The following LRRC4C variants were observed in gnomAD, a reference collection of about 807,000 sequenced individuals.
The protein encoded by LRRC4C is leucine rich repeat containing 4C.
A neutral mutation model predicts 33.6 loss-of-function variants in LRRC4C; 5 were observed. The observed-to-expected ratio is 0.15, with a 90% CI of 0.08 to 0.31. LRRC4C has a LOEUF of 0.31. LRRC4C is among the 10% of genes least tolerant of loss of function. LRRC4C has a pLI of 1.00. For missense variants in LRRC4C, 560 were observed against 796.7 expected (o/e 0.70, Z 3.58); for synonymous variants, 329 against 302.0 (o/e 1.09, Z -0.93).
chr11:41,420,342 T>C (rs2138315541), intron 1 of LRRC4C, among the ~76,000 whole-genome samples: 1 of 152,118 alleles, frequency 6.6e-6, no homozygotes, highest in Admixed American at 6.6e-5. Context: ...GTATCCACTA[T>C]ATTGTAAGTT....
At chr11:40,286,093 A>G (rs139689943) in intron 4 of LRRC4C, among the ~76,000 whole-genome samples, 1 of 152,308 alleles carries the variant, frequency 6.6e-6, no homozygotes, top group East Asian at 1.9e-4. Flanking sequence ...GAGGAGATAC[A>G]TTCCGTGATC....
chr11:40,178,760 T>C lies in LRRC4C; in HGVS notation c.-95-37907A>G, dbSNP rs1252827654. Among the ~76,000 whole-genome samples the C allele has an allele frequency of 4.6e-5, 7 of 152,324 alleles. No individual in the cohort carries two copies. In the East Asian group the frequency reaches 1.4e-3, roughly 29 times the overall value. On this transcript the variant is annotated intron_variant, in intron 5 of 6. Coordinates refer to ENST00000528697, the MANE Select transcript of LRRC4C (RefSeq NM_001258419.2). Reference sequence around the variant, plus strand: ...CAGGCCGTATATTCCTCTGGTTTCCTCGCTGTGGGGTTGGTTGGGCTCTCT... The same window carrying C: ...CAGGCCGTATATTCCTCTGGTTTCCCCGCTGTGGGGTTGGTTGGGCTCTCT...
intron 6 of LRRC4C, among the ~76,000 whole-genome samples, chr11:40,137,163 CGTGTGTGTGT>C (rs3039962): frequency 0.18 from 26,135 of 147,704 alleles, 2,407 homozygotes; most frequent in African/African-American, 0.25. Context: ...CACGTGGGCA[CGTGTGTGTGT>C]GTGTGTGTGT....
At chr11:40,724,432 T>G (rs1198219064) in intron 2 of LRRC4C, among the ~76,000 whole-genome samples, 1 of 151,906 alleles carries the variant, frequency 6.6e-6, no homozygotes, top group Non-Finnish European at 1.5e-5. Flanking sequence ...GAAACAAAAA[T>G]AGAAATAAAT....
Position 41,232,944 on chromosome 11 carries a change from T to C in LRRC4C, c.-496+226487A>G, listed in dbSNP as rs570821732. On this transcript the variant is annotated intron_variant, in intron 1 of 6. Transcript: ENST00000528697. Reference sequence around the variant, plus strand: ...TGAGCCTTCATTGAATGAACTCATGTTTTAATTTTAGCAACTTTGCATTTA... The same window carrying C: ...TGAGCCTTCATTGAATGAACTCATGCTTTAATTTTAGCAACTTTGCATTTA... 7.9e-5 allele frequency among the ~76,000 whole-genome samples: 12 copies of C among 152,174 alleles called. No homozygotes were observed. In the South Asian group the frequency reaches 2.3e-3, roughly 29 times the overall value.
intron 2 of LRRC4C, among the ~76,000 whole-genome samples, chr11:40,802,721 T>A (rs1450735018): frequency 6.6e-6 from 1 of 152,118 alleles, no homozygotes; most frequent in Non-Finnish European, 1.5e-5. Context: ...TTAAGCATTA[T>A]CCCTTGAAGA....
intron 3 of LRRC4C, among the ~76,000 whole-genome samples, chr11:40,635,359 C>G (rs1963857446): frequency 1.3e-5 from 2 of 152,084 alleles, no homozygotes; most frequent in Non-Finnish European, 2.9e-5. Context: ...GCCTATAGAC[C>G]TCATTAAATT....
intron 1 of LRRC4C, among the ~76,000 whole-genome samples, chr11:41,144,113 A>G (rs1943630178): frequency 6.6e-6 from 1 of 152,184 alleles, no homozygotes; most frequent in Non-Finnish European, 1.5e-5. Context: ...TTATTGAAGC[A>G]CAAGGGAAGG....
At chr11:40,202,406 G>A (rs148412188) in intron 5 of LRRC4C, among the ~76,000 whole-genome samples, 1,790 of 152,042 alleles carry the variant, frequency 0.012, 22 homozygotes, top group South Asian at 0.059. Flanking sequence ...ATGGTGTCAG[G>A]TGAAGGGAAA....
chr11:41,093,066 AC>A (rs1246815262), intron 1 of LRRC4C, among the ~76,000 whole-genome samples: 4 of 152,206 alleles, frequency 2.6e-5, no homozygotes. Flanking sequence ...AAATATACAC[AC>A]CCATAGAGTA....
intron 3 of LRRC4C, among the ~76,000 whole-genome samples, chr11:40,619,975 T>C (rs1334999494): frequency 6.6e-6 from 1 of 150,680 alleles, no homozygotes; most frequent in Non-Finnish European, 1.5e-5. Flanking sequence ...CTGTTGAGTG[T>C]GTTAGCCAAC....
rs191303229 is a variant in LRRC4C at position 40,294,520 on chromosome 11, C to A, written c.-176+25108G>T. 3.0e-3 allele frequency among the ~76,000 whole-genome samples: 455 copies of A among 152,170 alleles called. 1 individual carries two copies. The highest frequency in any genetic ancestry group is 6.3e-3 in the Admixed American group (96 of 15,292). ...CCCAGTCAAGCACACTGGTCCCAAG[C>A]TGAGGATTAACACAGTACTATTGCT... On this transcript the variant is annotated intron_variant, in intron 4 of 6. Coordinates refer to ENST00000528697, the MANE Select transcript of LRRC4C (RefSeq NM_001258419.2).
At chr11:40,608,927 G>A (rs947643510) in intron 3 of LRRC4C, among the ~76,000 whole-genome samples, 4 of 151,522 alleles carry the variant, frequency 2.6e-5, no homozygotes, top group African/African-American at 9.7e-5. Context: ...AATATATGAA[G>A]GAATCATTGA....
chr11:40,717,707 T>G (rs1946801536), intron 2 of LRRC4C, among the ~76,000 whole-genome samples: 1 of 152,102 alleles, frequency 6.6e-6, no homozygotes, highest in Admixed American at 6.6e-5. Context: ...TGATTATTAT[T>G]ATACTATTAT....
chr11:40,403,767 A>G (rs1399373485), intron 3 of LRRC4C, among the ~76,000 whole-genome samples: 1 of 152,126 alleles, frequency 6.6e-6, no homozygotes, highest in African/African-American at 2.4e-5. Context: ...TCTCAGAGAG[A>G]AAAAGAACAT....
chr11:40,308,547 A>G (rs1230614546), intron 4 of LRRC4C, among the ~76,000 whole-genome samples: 1 of 152,192 alleles, frequency 6.6e-6, no homozygotes, highest in Non-Finnish European at 1.5e-5. Context: ...GGTCCAATGT[A>G]ATTATAAGGG....
intron 1 of LRRC4C, among the ~76,000 whole-genome samples, chr11:41,087,214 C>T (rs1940064356): frequency 6.6e-6 from 1 of 152,018 alleles, no homozygotes; most frequent in Admixed American, 6.6e-5. Flanking sequence ...TCCATTTTTC[C>T]CCATTCCTAC....
chr11:41,041,906 T>C (rs1191280459), intron 1 of LRRC4C, among the ~76,000 whole-genome samples: 1 of 152,192 alleles, frequency 6.6e-6, no homozygotes, highest in African/African-American at 2.4e-5. Flanking sequence ...TGTACACTTT[T>C]GAAAATTTTG....
chr11:40,844,331 G>A (rs1342961043), intron 2 of LRRC4C, among the ~76,000 whole-genome samples: 1 of 152,090 alleles, frequency 6.6e-6, no homozygotes, highest in Non-Finnish European at 1.5e-5. Flanking sequence ...ACCAAAAATA[G>A]TAATGTTATT....
Sources: gnomAD v4.1 joint callset for allele counts (sites outside exome capture counted in the v4.1 genomes callset) on GRCh38, gnomAD v4.1.1 for gene constraint, MANE v1.5 for transcripts, NCBI Gene and HGNC (gene_info 2026-07-23, HGNC 2026-07-21) for gene names.